Variants in TAPBP observed in about 807,000 individuals in gnomAD.
TAPBP encodes TAP binding protein, also known as tapasin.
In TAPBP, 38 loss-of-function variants were observed where a neutral mutation model predicts 45.7. The observed-to-expected ratio is 0.83, with a 90% CI of 0.64 to 1.09. The LOEUF (loss-of-function observed/expected upper bound fraction) is 1.09. Among genes scored for constraint, TAPBP ranks in the 50% least tolerant of loss-of-function variants. The pLI is 0.00. For synonymous variants in TAPBP, 226 were observed against 254.8 expected (o/e 0.89, Z 1.08); for missense variants, 513 against 587.3 (o/e 0.87, Z 1.31).
At chr6:33,301,853 C>T in intron 7 of TAPBP, 82 bp from the exon 8 acceptor site, 3 of 1,596,520 alleles carry the variant, frequency 1.9e-6, no homozygotes, top group Non-Finnish European at 1.7e-6. Context: ...GACATATAAA[C>T]TATCATGGGC....
At chr6:33,302,851 T>C (rs1012779629) in intron 7 of TAPBP, among the ~76,000 whole-genome samples, 1 of 146,728 alleles carries the variant, frequency 6.8e-6, no homozygotes, top group East Asian at 2.1e-4. Flanking sequence ...TCATGTTGGC[T>C]AAGCTGGTCT....
chr6:33,302,480 A>G (rs1768658152), intron 7 of TAPBP, among the ~76,000 whole-genome samples: 1 of 150,758 alleles, frequency 6.6e-6, no homozygotes, highest in Non-Finnish European at 1.5e-5. Context: ...GTGCACCACC[A>G]TGCCCGGCTA....
rs1230066763 is a variant in TAPBP, at chr6:33,313,019, T to TG, written c.469+197_469+198insC. The TG allele has an allele frequency of 7.8e-4, 76 of 97,986 alleles. No individual in the cohort carries two copies. The highest frequency in any genetic ancestry group is 2.2e-3 in the South Asian group (4 of 1,810). The allele number at this position is 97,986 out of a possible 1,614,324, so 6.1% of individuals were successfully genotyped here. A position where few individuals can be genotyped will look rare whatever the true frequency, so the allele number is the denominator to read the frequency against. ...CTGCCAAGCTGCAGTTTTTTTTTTG[T>TG]TTTTTTTTTTTAACTGGGTGAGGGC... On this transcript the variant is annotated intron_variant, in intron 3 of 7. Transcript: ENST00000434618. This position sits in a 1 kb window ranked among gnomAD's most constrained non-coding sequence, Gnocchi z 7.2.
rs1769532155 is a variant in TAPBP, at chr6:33,313,560, GCA to G, written c.209-85_209-84del. On this transcript the variant is annotated intron_variant, in intron 2 of 7. Coordinates refer to ENST00000434618, the MANE Select transcript of TAPBP (RefSeq NM_003190.5). This position sits in a 1 kb window ranked among gnomAD's most constrained non-coding sequence, Gnocchi z 7.2. Reference sequence around the variant, plus strand: ...GGGCAGCGTTCGGGGAACTTCAAATGCACAGACTACCCCGTAGTGAGACTCAC... The same window carrying G: ...GGGCAGCGTTCGGGGAACTTCAAATGCAGACTACCCCGTAGTGAGACTCAC... The G allele has an allele frequency of 1.3e-6, 2 of 1,514,414 alleles. No individual in the cohort carries two copies. The highest frequency in any genetic ancestry group is 2.3e-5 in the East Asian group (1 of 42,918). The allele number at this position is 1,514,414 out of a possible 1,614,324, so 93.8% of individuals were successfully genotyped here.
Position 33,313,026 on chromosome 6 carries a change from T to G in TAPBP, c.469+191A>C, listed in dbSNP as rs1769473277. ...GCTGCAGTTTTTTTTTTGTTTTTTT[T>G]TTTTAACTGGGTGAGGGCTAGAAGG... On this transcript the variant is annotated intron_variant, in intron 3 of 7. Coordinates refer to ENST00000434618, the MANE Select transcript of TAPBP (RefSeq NM_003190.5). The surrounding 1 kb of genome is among the most constrained non-coding windows in gnomAD (Gnocchi z 7.2). 3 of 538,290 alleles carry G rather than the reference T, an allele frequency of 5.6e-6. No homozygotes were observed. Among genetic ancestry groups the G allele is most frequent in the African/African-American group, 2.0e-5 (1 of 51,030 alleles). 33.3% of individuals were successfully genotyped at this position (538,290 alleles called of 1,614,324 possible).
chr6:33,313,922 C>G lies in TAPBP; in HGVS notation c.38-58G>C. On this transcript the variant is annotated intron_variant, in intron 1 of 7. Coordinates refer to ENST00000434618, the MANE Select transcript of TAPBP (RefSeq NM_003190.5). The surrounding 1 kb of genome is among the most constrained non-coding windows in gnomAD (Gnocchi z 7.2). ...TGTATGTCTGGTGACCTGCCCCACT[C>G]CCACCCTGGCATCGGCTCCAGTGGG... 8.7e-6 allele frequency: 14 copies of G among 1,612,646 alleles called. No individual in the cohort carries two copies. The highest frequency in any genetic ancestry group is 1.2e-5 in the Non-Finnish European group (14 of 1,179,162).
intron 7 of TAPBP, 191 bp downstream of exon 7, chr6:33,303,764 A>C (rs1244844570): frequency 9.0e-6 from 14 of 1,552,210 alleles, no homozygotes; most frequent in Non-Finnish European, 1.1e-5. Flanking sequence ...ACACCCAAGG[A>C]AACATATAGA....
At position 33,304,003 on chromosome 6, in the gene TAPBP, T is replaced by C. The variant is rs73741554; in HGVS notation, c.1301-14A>G. On this transcript the variant is annotated splice_polypyrimidine_tract_variant and intron_variant, in intron 6 of 7. Transcript: ENST00000434618. ...ACAGGTAGACAGCTGTGGGGAAAGA[T>C]TGAGAAGGGATGGGATGCTGGAGTG... 2.9e-3 allele frequency: 4,627 copies of C among 1,613,240 alleles called. 41 individuals carry two copies. Among genetic ancestry groups the C allele is most frequent in the Middle Eastern group, 0.026 (159 of 6,060 alleles).
intron 3 of TAPBP, among the ~76,000 whole-genome samples, chr6:33,308,632 T>G (rs1231892714): frequency 6.6e-6 from 1 of 152,166 alleles, no homozygotes; most frequent in Non-Finnish European, 1.5e-5. Context: ...CTATCAAGCT[T>G]GTCCAACCTC....
rs372154738 is a variant in TAPBP at position 33,304,206 on chromosome 6, G to T, written c.1222C>A (p.Pro408Thr). Residue 408 changes from proline to threonine, a missense_variant, in exon 6 of 8, where the codon CCC becomes ACC. Pro to Thr is a conservative substitution (Grantham distance 38). Transcript: ENST00000434618. Reference protein sequence around the residue: ...VTLEVAGLSGPSLEDSVGLFL... With the variant: ...VTLEVAGLSGTSLEDSVGLFL... ...AGGCCTACGCTGTCCTCAAGGGAGG[G>T]CCCTGAAAGACCTGGCAGGCAGAAG... 17 of 1,613,478 alleles carry T rather than the reference G, an allele frequency of 1.1e-5. No individual in the cohort carries two copies. Among genetic ancestry groups the T allele is most frequent in the African/African-American group, 2.7e-5 (2 of 74,834 alleles).
intron 7 of TAPBP, 41 bp downstream of exon 7, chr6:33,303,914 A>T (rs1768755848): frequency 6.2e-7 from 1 of 1,614,104 alleles, no homozygotes; most frequent in East Asian, 2.2e-5. Flanking sequence ...ATGAGGAGAT[A>T]AAGTGACAAG....
At chr6:33,310,950 A>G (rs758616057) in intron 3 of TAPBP, among the ~76,000 whole-genome samples, 7 of 152,234 alleles carry the variant, frequency 4.6e-5, no homozygotes, top group Non-Finnish European at 8.8e-5. Context: ...GAGAGATTTC[A>G]TTTCTAATTT....
chr6:33,304,986 C>A lies in TAPBP; in HGVS notation c.868+3G>T. 1 of 1,613,758 alleles carries A rather than the reference C, an allele frequency of 6.2e-7. No homozygotes were observed. ...CCCTGGAGACCTCTGTCCCCCAACT[C>A]ACTGTACACAGCAAGCTCCAGGGTG... On this transcript the variant is annotated splice_donor_region_variant and intron_variant, in intron 4 of 7. Coordinates refer to ENST00000434618, the MANE Select transcript of TAPBP (RefSeq NM_003190.5).
Position 33,300,389 on chromosome 6 carries a change from CG to C in TAPBP, c.*1370del, listed in dbSNP as rs1768462527. On this transcript the variant is annotated 3_prime_UTR_variant, in exon 8 of 8. Coordinates refer to ENST00000434618, the MANE Select transcript of TAPBP (RefSeq NM_003190.5). The stretch of plus-strand genomic sequence containing the variant: ...CAATATCGTGTTTCGCCGCCGGGCG[CG>C]GTGGCTCACGCCTGTAATCCCAGCA... 1 of 152,382 alleles carries C rather than the reference CG, an allele frequency of 6.6e-6. No individual in the cohort carries two copies. The highest frequency in any genetic ancestry group is 1.5e-5 in the Non-Finnish European group (1 of 68,122). 9.4% of individuals were successfully genotyped at this position (152,382 alleles called of 1,614,324 possible).
chr6:33,309,599 CTTTTTTTTTT>C (rs759356578), intron 3 of TAPBP, among the ~76,000 whole-genome samples: 3 of 91,460 alleles, frequency 3.3e-5, no homozygotes, highest in Admixed American at 1.5e-4. Context: ...CAGTTTAACT[CTTTTTTTTTT>C]TTTTTTTTTT....
At chr6:33,302,149 T>C (rs1350414227) in intron 7 of TAPBP, among the ~76,000 whole-genome samples, 5 of 148,650 alleles carry the variant, frequency 3.4e-5, no homozygotes, top group African/African-American at 5.0e-5. Context: ...TCTTTCTTTT[T>C]TTTTTTTTTT....
Position 33,313,713 on chromosome 6 carries a change from C to G in TAPBP, c.189G>C (p.Glu63Asp), listed in dbSNP as rs752556005. The G allele has an allele frequency of 4.3e-6, 7 of 1,613,098 alleles. No homozygotes were observed. Among genetic ancestry groups the G allele is most frequent in the Admixed American group, 1.7e-5 (1 of 59,990 alleles). The change falls in exon 2 of 8, where the codon GAG becomes GAC. Residue 63 changes from glutamate (E) to aspartate (D), a missense_variant. Physicochemically the swap from Glu to Asp is conservative, Grantham distance 45. Coordinates refer to ENST00000434618, the MANE Select transcript of TAPBP (RefSeq NM_003190.5). This position sits in a 1 kb window ranked among gnomAD's most constrained non-coding sequence, Gnocchi z 7.2. The part of the protein sequence containing the change: ...EPPPRPDLDP[E>D]LYLSVHDPAG... ...ACTCACCGTGTACACTGAGATAGAGCTCAGGGTCGAGGTCCGGCCGGGGCG... is the reference window on the plus strand; with the variant it reads ...ACTCACCGTGTACACTGAGATAGAGGTCAGGGTCGAGGTCCGGCCGGGGCG...
At position 33,313,498 on chromosome 6, in the gene TAPBP, T is replaced by G. The variant is rs1389989977; in HGVS notation, c.209-21A>C. On this transcript the variant is annotated intron_variant, in intron 2 of 7. Coordinates refer to ENST00000434618, the MANE Select transcript of TAPBP (RefSeq NM_003190.5). The surrounding 1 kb of genome is among the most constrained non-coding windows in gnomAD (Gnocchi z 7.2). ...GGGGTCTGAGTGTAGAGAAGGAAGT[T>G]GCAGCTGTAGAGTCACCGCCGGGAA... The G allele has an allele frequency of 1.3e-6, 2 of 1,539,518 alleles. No individual in the cohort carries two copies. The highest frequency in any genetic ancestry group is 4.0e-5 in the Admixed American group (2 of 49,834).
Position 33,313,086 on chromosome 6 carries a change from C to A in TAPBP, c.469+131G>T. ...GATTGATTCATTCTAGCCAAACCAC[C>A]TCTCTTAACAAAAAAAGGAAACTGA... On this transcript the variant is annotated intron_variant, in intron 3 of 7. Coordinates refer to ENST00000434618, the MANE Select transcript of TAPBP (RefSeq NM_003190.5). This position sits in a 1 kb window ranked among gnomAD's most constrained non-coding sequence, Gnocchi z 7.2. 9.4e-7 allele frequency: 1 copy of A among 1,059,598 alleles called. No homozygotes were observed. The allele number at this position is 1,059,598 out of a possible 1,614,324, so 65.6% of individuals were successfully genotyped here. A position where few individuals can be genotyped will look rare whatever the true frequency, so the allele number is the denominator to read the frequency against.
Sources: allele counts gnomAD v4.1 joint callset (sites outside exome capture counted in the v4.1 genomes callset), GRCh38; gene constraint gnomAD v4.1.1; non-coding constraint Gnocchi (gnomAD v3.1); transcripts MANE v1.5; gene names NCBI Gene and HGNC (gene_info 2026-07-23, HGNC 2026-07-21).